The following SERPINB11 variants were observed in gnomAD, a reference collection of about 807,000 sequenced individuals.
The protein encoded by SERPINB11 is serpin family B member 11, also known as serpin B11.
SERPINB11 carries 32 observed loss-of-function variants against 36.7 expected under a neutral mutation model. The observed-to-expected ratio is 0.87, with a 90% confidence interval of 0.66 to 1.17. SERPINB11 has a LOEUF of 1.17. SERPINB11 is among the 50% of genes most tolerant of loss of function. SERPINB11 has a pLI of 0.00. For missense variants in SERPINB11, 528 were observed against 458.4 expected (o/e 1.15, Z -1.39); for synonymous variants, 174 against 168.1 (o/e 1.04, Z -0.27).
intron 7 of SERPINB11, among the ~76,000 whole-genome samples, chr18:63,721,709 G>C (rs1047513245): frequency 6.6e-5 from 10 of 152,192 alleles, no homozygotes; most frequent in African/African-American, 2.4e-4. Flanking sequence ...TGGCACAGGT[G>C]AGCAAAGTGT....
chr18:63,720,388 A>T (rs982295065), intron 6 of SERPINB11: 5 of 496,526 alleles, frequency 1.0e-5, no homozygotes. Context: ...AGAGGAGAAA[A>T]CCCATTCTTT....
intron 4 of SERPINB11, among the ~76,000 whole-genome samples, chr18:63,713,405 C>G (rs1914580452): frequency 1.3e-5 from 2 of 152,186 alleles, no homozygotes. Context: ...CTGGATTTAA[C>G]CCCTATGCAA....
intron 1 of SERPINB11, 130 bp downstream of exon 1, chr18:63,703,136 A>G (rs1465689877): frequency 1.3e-5 from 2 of 152,244 alleles, no homozygotes; most frequent in East Asian, 3.8e-4. Flanking sequence ...CTTATTATTT[A>G]ATTGAGTATG....
At chr18:63,719,567 A>G (rs576189694) in intron 5 of SERPINB11, among the ~76,000 whole-genome samples, 1 of 152,234 alleles carries the variant, frequency 6.6e-6, no homozygotes, top group South Asian at 2.1e-4. Flanking sequence ...TTTAGTATAT[A>G]TATTTGTAAT....
chr18:63,714,071 CT>C (rs1914600074), intron 4 of SERPINB11, among the ~76,000 whole-genome samples: 1 of 152,126 alleles, frequency 6.6e-6, no homozygotes, highest in Non-Finnish European at 1.5e-5. Flanking sequence ...AATGTAGGTT[CT>C]TTTCTGTTTT....
intron 7 of SERPINB11, among the ~76,000 whole-genome samples, chr18:63,722,470 T>C (rs1169729390): frequency 6.6e-6 from 1 of 152,114 alleles, no homozygotes; most frequent in Non-Finnish European, 1.5e-5. Context: ...GGAGCTGACA[T>C]GCTGGGCAGA....
In SERPINB11 at chr18:63,719,999, A is replaced by T. The variant is rs750707349; in HGVS notation, c.476-14A>T. The stretch of plus-strand genomic sequence containing the variant: ...GTTCAAATCCAAATATAATTATCTT[A>T]TTTTTTATACAAGGAAAAGTCGCAA... On this transcript the variant is annotated splice_polypyrimidine_tract_variant and intron_variant, in intron 5 of 7. Coordinates refer to ENST00000544088, the MANE Select transcript of SERPINB11 (RefSeq NM_001370475.1). 37 of 1,582,828 alleles carry T rather than the reference A, an allele frequency of 2.3e-5. No homozygotes were observed. The Admixed American group carries it at 6.6e-4, about 28-fold the overall frequency.
chr18:63,718,375 A>G (rs1914721926), intron 5 of SERPINB11, among the ~76,000 whole-genome samples: 1 of 152,052 alleles, frequency 6.6e-6, no homozygotes, highest in Non-Finnish European at 1.5e-5. Flanking sequence ...ATAGATTTGG[A>G]GAGAAAATAC....
Position 63,712,555 on chromosome 18 carries a change from G to A in SERPINB11, c.229-10G>A, listed in dbSNP as rs776644856. On this transcript the variant is annotated splice_polypyrimidine_tract_variant and intron_variant, in intron 3 of 7. Coordinates refer to ENST00000544088, the MANE Select transcript of SERPINB11 (RefSeq NM_001370475.1). Reference sequence around the variant, plus strand: ...TTTAATACATCATTCTTTGTTTACTGATGCTTCAGTGCAGCCAAGCTGGAA... The same window carrying A: ...TTTAATACATCATTCTTTGTTTACTAATGCTTCAGTGCAGCCAAGCTGGAA... 6 of 1,613,390 alleles carry A rather than the reference G, an allele frequency of 3.7e-6. No homozygotes were observed. The Admixed American group carries it at 5.0e-5, about 13-fold the overall frequency.
rs187202135 is a variant in SERPINB11, at chr18:63,722,968, T to A, written c.775-27T>A. 256 of 1,531,062 alleles carry A rather than the reference T, an allele frequency of 1.7e-4. 2 individuals are homozygous for A. The African/African-American group carries it at 3.3e-3, about 20-fold the overall frequency. The allele number at this position is 1,531,062 out of a possible 1,614,324, so 94.8% of individuals were successfully genotyped here. A position where few individuals can be genotyped will look rare whatever the true frequency, so the allele number is the denominator to read the frequency against. On this transcript the variant is annotated intron_variant, in intron 7 of 7. Transcript: ENST00000544088. ...GTAGAGGTCGTGTGTTTGACTCATG[T>A]GGGCTTGTCTGTGTTTTGTCTCTTA...
intron 4 of SERPINB11, among the ~76,000 whole-genome samples, chr18:63,713,270 A>G (rs959535371): frequency 6.6e-6 from 1 of 152,204 alleles, no homozygotes; most frequent in East Asian, 1.9e-4. Context: ...TACAAGCATT[A>G]TCTCCTATAA....
intron 4 of SERPINB11, among the ~76,000 whole-genome samples, chr18:63,713,771 A>G (rs758472463): frequency 1.3e-5 from 2 of 152,186 alleles, no homozygotes; most frequent in Non-Finnish European, 2.9e-5. Flanking sequence ...TTGCCTTCTC[A>G]AAACAGTGAC....
intron 1 of SERPINB11, among the ~76,000 whole-genome samples, chr18:63,707,682 T>A (rs554395610): frequency 7.9e-5 from 12 of 152,368 alleles, no homozygotes; most frequent in Middle Eastern, 3.4e-3. Flanking sequence ...TCTACTTGAT[T>A]ATGTGCATAC....
At chr18:63,722,545 G>A (rs1019731393) in intron 7 of SERPINB11, among the ~76,000 whole-genome samples, 3 of 152,110 alleles carry the variant, frequency 2.0e-5, no homozygotes, top group Admixed American at 6.5e-5. Flanking sequence ...AGAAGGGCAC[G>A]AGAGGATGAA....
rs77251255 is a variant in SERPINB11 at position 63,723,071 on chromosome 18, T to A, written c.851T>A (p.Val284Glu). The stretch of plus-strand genomic sequence containing the variant: ...AACATGATGGAAAGAGAAGTTGAAG[T>A]ACACCTCCCCCGATTCAAACTTGAA... ...SSNMMEREVE[V>E]HLPRFKLETK... The change falls in exon 8 of 8, where the codon GTA becomes GAA. Residue 284 changes from valine to glutamate, a missense_variant. Physicochemically the swap from Val to Glu is moderately radical, Grantham distance 121. Coordinates refer to ENST00000544088, the MANE Select transcript of SERPINB11 (RefSeq NM_001370475.1). 650 of 1,605,962 alleles carry A rather than the reference T, an allele frequency of 4.0e-4. 2 individuals are homozygous for A. The East Asian group carries it at 0.012, about 29-fold the overall frequency.
intron 5 of SERPINB11, among the ~76,000 whole-genome samples, chr18:63,717,677 G>C (rs1914702964): frequency 6.6e-6 from 1 of 151,822 alleles, no homozygotes; most frequent in Admixed American, 6.6e-5. Context: ...TTGCCCACCT[G>C]TAAGAATGGT....
intron 6 of SERPINB11, chr18:63,720,619 T>G: frequency 2.1e-6 from 1 of 487,762 alleles, no homozygotes; most frequent in Non-Finnish European, 3.6e-6. Context: ...TATATATTAT[T>G]AGAACAATTC....
chr18:63,713,347 T>C (rs115684523), intron 4 of SERPINB11, among the ~76,000 whole-genome samples: 2,100 of 152,326 alleles, frequency 0.014, 64 homozygotes, highest in African/African-American at 0.048. Context: ...AAGCAGATTC[T>C]GAAAAGTCAG....
chr18:63,703,781 G>T (rs754183893), intron 1 of SERPINB11, among the ~76,000 whole-genome samples: 1 of 152,196 alleles, frequency 6.6e-6, no homozygotes, highest in Non-Finnish European at 1.5e-5. Flanking sequence ...CCCTCCGTCT[G>T]TTGCAGTCCT....
Sources: allele counts gnomAD v4.1 joint callset (sites outside exome capture counted in the v4.1 genomes callset), GRCh38; gene constraint gnomAD v4.1.1; transcripts MANE v1.5; gene names NCBI Gene and HGNC (gene_info 2026-07-23, HGNC 2026-07-21).